The following GCLC variants were observed in gnomAD, a reference collection of about 807,000 sequenced individuals.
GCLC encodes the protein glutamate-cysteine ligase catalytic subunit, also known as glutamate--cysteine ligase catalytic subunit.
In GCLC, 30 loss-of-function variants were observed where a neutral mutation model predicts 81.5. The observed-to-expected ratio is 0.37, with a 90% confidence interval of 0.28 to 0.50. The LOEUF (loss-of-function observed/expected upper bound fraction) is 0.50. Among genes scored for constraint, GCLC ranks in the 20% least tolerant of loss-of-function variants. GCLC has a pLI of 0.96. For synonymous variants in GCLC, 262 were observed against 273.3 expected (o/e 0.96, Z 0.41); for missense variants, 556 against 777.4 (o/e 0.72, Z 3.39).
chr6:53,520,305 G>T lies in GCLC; in HGVS notation c.446+473C>A, dbSNP rs566086456. ...GAGCATCGGTATCGATAGTGCTTTG[G>T]GAGCACTGCAGATCCTCTGATCTGC... On this transcript the variant is annotated intron_variant, in intron 3 of 15. Transcript: ENST00000650454. Among the ~76,000 whole-genome samples, 316 of 152,304 alleles carry T rather than the reference G, an allele frequency of 2.1e-3. 1 individual carries two copies. Among genetic ancestry groups the T allele is most frequent in the African/African-American group, 7.0e-3 (292 of 41,554 alleles).
intron 1 of GCLC, among the ~76,000 whole-genome samples, chr6:53,533,246 A>G (rs1204403995): frequency 1.3e-5 from 2 of 152,212 alleles, no homozygotes; most frequent in African/African-American, 4.8e-5. Flanking sequence ...ACTATCATCA[A>G]GATTTCAAAC....
Position 53,500,290 on chromosome 6 carries a change from T to C in GCLC, c.1538A>G (p.Glu513Gly). ...KAQNSTELAA[E>G]EYTLMSIDTI... ...GTCTATGCTCATGAGGGTGTACTCC[T>C]CTGCAGCGAGCTCCGTGCTGTTCTG... The change falls in exon 14 of 16, where the codon GAG (glutamate) becomes GGG (glycine). Residue 513 changes from glutamate to glycine, a missense_variant. Glu to Gly is a moderately conservative substitution (Grantham distance 98). This residue lies in a region of GCLC where 313 missense variants were observed against 437.3 expected (regional missense o/e 0.72). Transcript: ENST00000650454. The C allele has an allele frequency of 6.2e-7, 1 of 1,614,194 alleles. No individual in the cohort carries two copies. Among genetic ancestry groups the C allele is most frequent in the Non-Finnish European group, 8.5e-7 (1 of 1,180,000 alleles).
intron 3 of GCLC, 146 bp downstream of exon 3, chr6:53,520,632 A>T: frequency 1.3e-6 from 1 of 770,302 alleles, no homozygotes; most frequent in Non-Finnish European, 2.3e-6. Context: ...CTCTACTGTT[A>T]CAGAGTCTAT....
At chr6:53,537,083 T>C (rs1763268754) in intron 1 of GCLC, among the ~76,000 whole-genome samples, 1 of 152,214 alleles carries the variant, frequency 6.6e-6, no homozygotes, top group African/African-American at 2.4e-5. Context: ...CCTTTCCTCC[T>C]TTGTTACACT....
At chr6:53,534,973 A>C (rs921491869) in intron 1 of GCLC, among the ~76,000 whole-genome samples, 2 of 152,214 alleles carry the variant, frequency 1.3e-5, no homozygotes, top group African/African-American at 4.8e-5. Flanking sequence ...TCTGGTTCTA[A>C]AATTCACGTG....
At chr6:53,534,373 G>C (rs982595846) in intron 1 of GCLC, among the ~76,000 whole-genome samples, 1 of 151,328 alleles carries the variant, frequency 6.6e-6, no homozygotes, top group Non-Finnish European at 1.5e-5. Flanking sequence ...AAAGTTTACA[G>C]ACAAAGGAGA....
chr6:53,543,557 C>A (rs1193068351), intron 1 of GCLC, among the ~76,000 whole-genome samples: 1 of 151,968 alleles, frequency 6.6e-6, no homozygotes, highest in African/African-American at 2.4e-5. Context: ...AAACAATTTA[C>A]ACAGGTGGCA....
At position 53,522,506 on chromosome 6, in the gene GCLC, A is replaced by C; in HGVS notation, c.172T>G (p.Phe58Val). Residue 58 changes from phenylalanine (F) to valine (V), a missense_variant, in exon 2 of 16, where the codon TTT becomes GTT. By Grantham distance (50) the Phe-to-Val change is conservative. Around this residue, in one of 3 missense-constraint regions of GCLC, gnomAD observed 234 missense variants for 303.8 expected, o/e 0.77. Transcript: ENST00000650454. ...GDEVEYMLVS[F>V]DHENKKVRLV... ...CGGACTTTTTTATTTTCATGATCAA[A>C]AGATACCAACATGTATTCCACCTAT... 6.2e-7 allele frequency: 1 copy of C among 1,605,388 alleles called. No individual in the cohort carries two copies. Among genetic ancestry groups the C allele is most frequent in the Non-Finnish European group, 8.5e-7 (1 of 1,172,178 alleles).
intron 15 of GCLC, among the ~76,000 whole-genome samples, chr6:53,499,461 A>G (rs1258741975): frequency 6.6e-6 from 1 of 152,200 alleles, no homozygotes; most frequent in Non-Finnish European, 1.5e-5. Flanking sequence ...GTAGGGTTCT[A>G]CGGCTATCCT....
chr6:53,499,325 C>G (rs552715747), intron 15 of GCLC, among the ~76,000 whole-genome samples: 53 of 152,274 alleles, frequency 3.5e-4, no homozygotes, highest in African/African-American at 1.2e-3. Flanking sequence ...ATGCCAGTGT[C>G]ATGAGACTGC....
chr6:53,505,882 G>C lies in GCLC; in HGVS notation c.1211C>G (p.Thr404Arg), dbSNP rs1274256823. ...ESDHFENIQS[T>R]NWQTMRFKPP... Reference sequence around the variant, plus strand: ...CTTAAATCTCATTGTCTGCCAATTTGTGGACTGAATATTCTGTGATACAAA... The same window carrying C: ...CTTAAATCTCATTGTCTGCCAATTTCTGGACTGAATATTCTGTGATACAAA... The change falls in exon 11 of 16, where the codon ACA (threonine) becomes AGA (arginine). Residue 404 changes from threonine to arginine, a missense_variant. This residue lies in a region of GCLC where 313 missense variants were observed against 437.3 expected (regional missense o/e 0.72). Coordinates refer to ENST00000650454, the MANE Select transcript of GCLC (RefSeq NM_001498.4). 6.2e-7 allele frequency: 1 copy of C among 1,602,706 alleles called. No individual in the cohort carries two copies. Among genetic ancestry groups the C allele is most frequent in the African/African-American group, 1.3e-5 (1 of 74,670 alleles).
At chr6:53,524,383 T>C (rs1299224375) in intron 1 of GCLC, among the ~76,000 whole-genome samples, 1 of 152,182 alleles carries the variant, frequency 6.6e-6, no homozygotes, top group African/African-American at 2.4e-5. Flanking sequence ...TGTTATAACC[T>C]ATATGAAGCA....
chr6:53,541,970 C>G (rs747437900), intron 1 of GCLC, among the ~76,000 whole-genome samples: 1 of 152,088 alleles, frequency 6.6e-6, no homozygotes, highest in Non-Finnish European at 1.5e-5. Flanking sequence ...CAGGCTTAAG[C>G]GATCCTTCTA....
chr6:53,503,628 T>C (rs1764554337), intron 12 of GCLC, among the ~76,000 whole-genome samples: 2 of 152,210 alleles, frequency 1.3e-5, no homozygotes, highest in South Asian at 4.1e-4. Context: ...TCCTAATTTT[T>C]TCTCCTGTCC....
intron 7 of GCLC, 52 bp from the exon 8 acceptor site, chr6:53,508,763 C>A: frequency 8.5e-7 from 1 of 1,175,338 alleles, no homozygotes. Context: ...CACTTACATG[C>A]TAAAAAAAGC....
intron 3 of GCLC, among the ~76,000 whole-genome samples, chr6:53,518,995 G>A (rs12528690): frequency 6.6e-6 from 1 of 151,982 alleles, no homozygotes; most frequent in Admixed American, 6.6e-5. Context: ...CAGCACCCAC[G>A]GGCATCCAGG....
In GCLC at chr6:53,507,529, G is replaced by A. The variant is rs2127620943; in HGVS notation, c.1035C>T (p.Asp345=). The change falls in exon 9 of 16, where the codon GAC becomes GAT. Residue 345 remains aspartate (D), a synonymous_variant. Transcript: ENST00000650454. ...TCTCTTTATCTATCGTCAAGTCGAT[G>A]TCATTATATTTCTCACCACACTTAG... ...YLSKCGEKYN[D]IDLTIDKEIY... is the part of the protein sequence containing the mutation. The A allele has an allele frequency of 1.2e-6, 2 of 1,604,840 alleles. No homozygotes were observed. Among genetic ancestry groups the A allele is most frequent in the East Asian group, 2.2e-5 (1 of 44,802 alleles).
At chr6:53,503,989 G>A (rs1179503718) in intron 12 of GCLC, among the ~76,000 whole-genome samples, 1 of 152,128 alleles carries the variant, frequency 6.6e-6, no homozygotes, top group African/African-American at 2.4e-5. Context: ...GGATGTGACT[G>A]AACCTCTCTA....
At chr6:53,505,040 G>A (rs767093961) in intron 12 of GCLC, among the ~76,000 whole-genome samples, 6 of 152,056 alleles carry the variant, frequency 3.9e-5, no homozygotes, top group Non-Finnish European at 7.4e-5. Flanking sequence ...AATCCCATCC[G>A]AATTCTTCAG....
Sources: allele counts gnomAD v4.1 joint callset (sites outside exome capture counted in the v4.1 genomes callset), GRCh38; gene constraint gnomAD v4.1.1; regional missense constraint gnomAD v4.1.1; transcripts MANE v1.5; gene names NCBI Gene and HGNC (gene_info 2026-07-23, HGNC 2026-07-21).